The following NPSR1 variants were observed in gnomAD, a reference collection of about 807,000 sequenced individuals.
NPSR1 encodes the protein neuropeptide S receptor.
A neutral mutation model predicts 46.9 loss-of-function variants in NPSR1; 48 were observed. The observed-to-expected ratio is 1.02, with a 90% CI of 0.81 to 1.30. The LOEUF is 1.30. Among genes scored for constraint, NPSR1 ranks in the 50% most tolerant of loss-of-function variants. The pLI is 0.00. For synonymous variants in NPSR1, 176 were observed against 168.1 expected, an observed-to-expected ratio of 1.05 and a Z score of -0.36; for missense variants, 450 against 449.5, an observed-to-expected ratio of 1.00 and a Z score of -0.01.
At chr7:34,862,330 T>C (rs768583955) in intron 8 of NPSR1, among the ~76,000 whole-genome samples, 1 of 151,798 alleles carries the variant, frequency 6.6e-6, no homozygotes, top group East Asian at 1.9e-4. Context: ...CTCAGTTGCA[T>C]GGAGCTCACC....
At chr7:34,713,350 A>G (rs1315939159) in intron 2 of NPSR1, among the ~76,000 whole-genome samples, 1 of 152,184 alleles carries the variant, frequency 6.6e-6, no homozygotes, top group East Asian at 1.9e-4. Context: ...AAATGCCCAA[A>G]AATATTCTAG....
At chr7:34,828,772 G>C (rs1177891192) in intron 5 of NPSR1, among the ~76,000 whole-genome samples, 1 of 152,174 alleles carries the variant, frequency 6.6e-6, no homozygotes, top group Non-Finnish European at 1.5e-5. Flanking sequence ...CAAAGGTATA[G>C]ATCAAAGATG....
chr7:34,734,862 T>C (rs547537611), intron 2 of NPSR1, among the ~76,000 whole-genome samples: 42 of 152,362 alleles, frequency 2.8e-4, no homozygotes, highest in African/African-American at 9.4e-4. Flanking sequence ...TACCTGCAAG[T>C]GTGTTCTCTG....
intron 5 of NPSR1, 41 bp downstream of exon 5, chr7:34,827,643 C>CCAGGGGGGGGGGGGGGG: frequency 2.5e-6 from 1 of 405,056 alleles, no homozygotes; most frequent in Non-Finnish European, 4.9e-6. Context: ...GGGGGTGGGG[C>CCAGGGGGGGGGGGGGGG]GGGGGGGGCT....
chr7:34,834,549 A>G, intron 6 of NPSR1, 89 bp downstream of exon 6: 1 of 875,956 alleles, frequency 1.1e-6, no homozygotes, highest in Non-Finnish European at 1.9e-6. Flanking sequence ...GGACTCCTTG[A>G]TACACAAGCA....
chr7:34,863,328 T>G (rs550212448), intron 8 of NPSR1, among the ~76,000 whole-genome samples: 7 of 151,938 alleles, frequency 4.6e-5, no homozygotes, highest in African/African-American at 1.7e-4. Flanking sequence ...GGGCAAAGAC[T>G]TTATGACTAA....
At chr7:34,733,815 A>G (rs929012273) in intron 2 of NPSR1, among the ~76,000 whole-genome samples, 1 of 152,246 alleles carries the variant, frequency 6.6e-6, no homozygotes, top group Non-Finnish European at 1.5e-5. Context: ...ATAAAATTAC[A>G]TGACTTTCCA....
chr7:34,790,967 A>ATATATGTTATATGTTATATGT (rs1306113170), intron 3 of NPSR1, among the ~76,000 whole-genome samples: 1 of 75,016 alleles, frequency 1.3e-5, no homozygotes, highest in Admixed American at 1.5e-4. Context: ...ATGTTATATT[A>ATATATGTTATATGTTATATGT]TATATGTTAT....
intron 1 of NPSR1, among the ~76,000 whole-genome samples, chr7:34,664,386 A>T (rs538699975): frequency 6.6e-6 from 1 of 152,190 alleles, no homozygotes; most frequent in South Asian, 2.1e-4. Flanking sequence ...AAGAACAGCA[A>T]GCGGCCCCCA....
intron 2 of NPSR1, among the ~76,000 whole-genome samples, chr7:34,686,458 G>A (rs1181036130): frequency 6.6e-6 from 1 of 152,098 alleles, no homozygotes; most frequent in Non-Finnish European, 1.5e-5. Flanking sequence ...ATACATACCT[G>A]AGTCTTGAGT....
chr7:34,798,149 C>G (rs1788272240), intron 3 of NPSR1, among the ~76,000 whole-genome samples: 2 of 152,024 alleles, frequency 1.3e-5, no homozygotes, highest in African/African-American at 4.8e-5. Context: ...CTTAATTGAC[C>G]TATAGATAGT....
chr7:34,690,574 G>A (rs1231524304), intron 2 of NPSR1, among the ~76,000 whole-genome samples: 1 of 152,032 alleles, frequency 6.6e-6, no homozygotes, highest in Non-Finnish European at 1.5e-5. Context: ...ATTATTGAAG[G>A]AAAAACAAAA....
intron 3 of NPSR1, among the ~76,000 whole-genome samples, chr7:34,782,310 C>T (rs1295815033): frequency 6.6e-6 from 1 of 152,138 alleles, no homozygotes; most frequent in Non-Finnish European, 1.5e-5. Context: ...GATACTGCCA[C>T]TAAGAGAGGC....
At chr7:34,843,218 A>T (rs572388868) in intron 6 of NPSR1, among the ~76,000 whole-genome samples, 16 of 152,286 alleles carry the variant, frequency 1.1e-4, no homozygotes, top group Admixed American at 5.9e-4. Context: ...ATTTATTTTT[A>T]AAAAAAGAGA....
At chr7:34,806,302 G>A (rs1464707303) in intron 3 of NPSR1, among the ~76,000 whole-genome samples, 1 of 152,028 alleles carries the variant, frequency 6.6e-6, no homozygotes, top group Non-Finnish European at 1.5e-5. Context: ...ATAAGCTGCG[G>A]TACATCCATT....
chr7:34,745,775 A>C (rs1249551918), intron 2 of NPSR1, among the ~76,000 whole-genome samples: 1 of 152,132 alleles, frequency 6.6e-6, no homozygotes, highest in African/African-American at 2.4e-5. Flanking sequence ...TGGTCTCCCA[A>C]ATTGCTGGGA....
intron 1 of NPSR1, among the ~76,000 whole-genome samples, chr7:34,678,985 G>A (rs1311915764): frequency 1.3e-5 from 2 of 152,074 alleles, no homozygotes; most frequent in Admixed American, 1.3e-4. Flanking sequence ...ACCTGGGGTT[G>A]GGGAAATAAA....
chr7:34,831,313 TCACACA>T (rs34669905), intron 5 of NPSR1, among the ~76,000 whole-genome samples: 107 of 148,164 alleles, frequency 7.2e-4, no homozygotes, highest in South Asian at 2.4e-3. Flanking sequence ...CTCACACACA[TCACACA>T]CACACACACA....
intron 8 of NPSR1, among the ~76,000 whole-genome samples, chr7:34,865,665 C>CT (rs1488120929): frequency 1.3e-5 from 2 of 151,710 alleles, no homozygotes; most frequent in African/African-American, 2.4e-5. Flanking sequence ...GACACACCCC[C>CT]CTTAGCATCC....
Sources: gnomAD v4.1 joint callset for allele counts (sites outside exome capture counted in the v4.1 genomes callset) on GRCh38, gnomAD v4.1.1 for gene constraint, MANE v1.5 for transcripts, NCBI Gene and HGNC (gene_info 2026-07-23, HGNC 2026-07-21) for gene names.